The following CNTN5 variants were observed in gnomAD, a reference collection of about 807,000 sequenced individuals.
The protein encoded by CNTN5 is contactin-5.
A neutral mutation model predicts 129.1 loss-of-function variants in CNTN5; 77 were observed. That is an observed-to-expected ratio of 0.60 (90% CI 0.50 to 0.72). CNTN5 has a LOEUF of 0.72. CNTN5 is among the 30% of genes least tolerant of loss of function. The pLI is 0.00. For missense variants in CNTN5, 1,478 were observed against 1,328.8 expected (o/e 1.11, Z -1.75); for synonymous variants, 509 against 465.6 (o/e 1.09, Z -1.20).
At chr11:99,536,874 A>G (rs1254019923) in intron 2 of CNTN5, among the ~76,000 whole-genome samples, 1 of 151,574 alleles carries the variant, frequency 6.6e-6, no homozygotes, top group Non-Finnish European at 1.5e-5. Context: ...AAAAAGAAAA[A>G]GGAAACAATT....
intron 3 of CNTN5, among the ~76,000 whole-genome samples, chr11:99,808,906 C>A (rs774414891): frequency 6.6e-6 from 1 of 152,098 alleles, no homozygotes; most frequent in Non-Finnish European, 1.5e-5. Context: ...CCTGTGATCA[C>A]TGGAAAGACA....
At chr11:99,142,735 G>C (rs2135465579) in intron 1 of CNTN5, among the ~76,000 whole-genome samples, 1 of 152,192 alleles carries the variant, frequency 6.6e-6, no homozygotes, top group East Asian at 1.9e-4. Context: ...CAGCCATTCT[G>C]ACACCAAACC....
chr11:100,149,849 G>A (rs1469694257), intron 13 of CNTN5, among the ~76,000 whole-genome samples: 2 of 146,198 alleles, frequency 1.4e-5, no homozygotes, highest in African/African-American at 5.1e-5. Flanking sequence ...AGCCGAGCTT[G>A]TGCCACTGCA....
intron 1 of CNTN5, among the ~76,000 whole-genome samples, chr11:99,045,233 C>A (rs908018499): frequency 2.0e-5 from 3 of 152,104 alleles, no homozygotes; most frequent in Non-Finnish European, 2.9e-5. Context: ...GATTTTAAAT[C>A]TTTTGATTTC....
chr11:100,236,625 T>C lies in CNTN5; in HGVS notation c.2005+11813T>C, dbSNP rs182657084. Among the ~76,000 whole-genome samples, 5 of 152,258 alleles carry C rather than the reference T, an allele frequency of 3.3e-5. No individual in the cohort carries two copies. In the East Asian group the frequency reaches 9.7e-4, roughly 30 times the overall value. Reference sequence around the variant, plus strand: ...AGGCTTTAATGCCACAGCCAATATCTGGCTTTGTGTGTTTCAGTCTCCACT... The same window carrying C: ...AGGCTTTAATGCCACAGCCAATATCCGGCTTTGTGTGTTTCAGTCTCCACT... On this transcript the variant is annotated intron_variant, in intron 16 of 24. Transcript: ENST00000524871.
At chr11:99,966,008 A>T (rs1451967616) in intron 8 of CNTN5, among the ~76,000 whole-genome samples, 1 of 152,312 alleles carries the variant, frequency 6.6e-6, no homozygotes, top group East Asian at 1.9e-4. Context: ...TGGGTTTTAG[A>T]AACCTCTCAA....
At chr11:100,286,100 G>T (rs991193163) in intron 18 of CNTN5, among the ~76,000 whole-genome samples, 2 of 152,246 alleles carry the variant, frequency 1.3e-5, no homozygotes, top group African/African-American at 4.8e-5. Context: ...GGCTGGGAGG[G>T]TCCTACGCCC....
chr11:99,111,301 T>G (rs1035877380), intron 1 of CNTN5, among the ~76,000 whole-genome samples: 3 of 152,030 alleles, frequency 2.0e-5, no homozygotes, highest in Non-Finnish European at 4.4e-5. Flanking sequence ...TTTGTGTGTG[T>G]GTGTAGGTGT....
chr11:100,023,434 C>G (rs1472746660), intron 9 of CNTN5, among the ~76,000 whole-genome samples: 2 of 152,186 alleles, frequency 1.3e-5, no homozygotes, highest in Non-Finnish European at 2.9e-5. Flanking sequence ...CCTACACATT[C>G]TCAGTCTCCT....
chr11:99,331,726 A>G (rs888155427), intron 2 of CNTN5, among the ~76,000 whole-genome samples: 1 of 152,122 alleles, frequency 6.6e-6, no homozygotes, highest in African/African-American at 2.4e-5. Context: ...AACTCTTCCT[A>G]TCTCTGCACA....
intron 2 of CNTN5, among the ~76,000 whole-genome samples, chr11:99,442,706 A>G (rs1043128834): frequency 2.6e-5 from 4 of 152,240 alleles, no homozygotes; most frequent in Non-Finnish European, 4.4e-5. Flanking sequence ...TGTAAAATCC[A>G]TGCTTTAGTT....
In CNTN5 at chr11:99,567,454, G is replaced by C. The variant is rs75032159; in HGVS notation, c.55+11185G>C. ...GGTGACAGTTTGTTCCTTCTGCCAA[G>C]ATGATGATGTACTGTTGAACAGAGA... On this transcript the variant is annotated intron_variant, in intron 3 of 24. Coordinates refer to ENST00000524871, the MANE Select transcript of CNTN5 (RefSeq NM_014361.4). 7.1e-3 allele frequency among the ~76,000 whole-genome samples: 1,074 copies of C among 151,962 alleles called. 11 individuals carry two copies. The highest frequency in any genetic ancestry group is 0.024 in the African/African-American group (1,006 of 41,400).
chr11:100,088,447 A>T (rs1944636783), intron 13 of CNTN5, among the ~76,000 whole-genome samples: 1 of 152,088 alleles, frequency 6.6e-6, no homozygotes, highest in Admixed American at 6.6e-5. Flanking sequence ...CAATGAAACC[A>T]AATTTGGTTC....
chr11:99,646,849 T>A (rs2135864611), intron 3 of CNTN5, among the ~76,000 whole-genome samples: 1 of 151,546 alleles, frequency 6.6e-6, no homozygotes. Context: ...CTAGACTTGC[T>A]ATTCAGATCA....
chr11:100,067,998 T>G (rs1231930017), intron 10 of CNTN5, among the ~76,000 whole-genome samples: 4 of 152,156 alleles, frequency 2.6e-5, no homozygotes, highest in African/African-American at 9.7e-5. Flanking sequence ...CTGTTTTTAT[T>G]TAAATATTTT....
rs1277807993 is a variant in CNTN5 at position 99,727,771 on chromosome 11, C to T, written c.56-91773C>T. Among the ~76,000 whole-genome samples the T allele has an allele frequency of 1.3e-5, 2 of 152,022 alleles. 1 individual carries two copies. The highest frequency in any genetic ancestry group is 2.9e-5 in the Non-Finnish European group (2 of 67,986). ...CATAAGTTAATATAAAATAGAACAC[C>T]ATAAAGTCATTTTAAAACTGTCATA... On this transcript the variant is annotated intron_variant, in intron 3 of 24. Coordinates refer to ENST00000524871, the MANE Select transcript of CNTN5 (RefSeq NM_014361.4).
chr11:99,832,617 A>T lies in CNTN5; in HGVS notation c.278-12235A>T, dbSNP rs139207278. On this transcript the variant is annotated intron_variant, in intron 4 of 24. Transcript: ENST00000524871. Reference sequence around the variant, plus strand: ...TGAAAGGCAACTTAAAGTTAAAAGAAGATTTGGACAATTTTTTTAAGAATT... The same window carrying T: ...TGAAAGGCAACTTAAAGTTAAAAGATGATTTGGACAATTTTTTTAAGAATT... Among the ~76,000 whole-genome samples, 132 of 152,338 alleles carry T rather than the reference A, an allele frequency of 8.7e-4. 1 individual carries two copies. Among genetic ancestry groups the T allele is most frequent in the East Asian group, 7.7e-4 (4 of 5,190 alleles).
chr11:99,027,971 G>T (rs1033037147), intron 1 of CNTN5, among the ~76,000 whole-genome samples: 1 of 151,620 alleles, frequency 6.6e-6, no homozygotes, highest in African/African-American at 2.4e-5. Flanking sequence ...ACCCCAGTTT[G>T]CAAATAAAAT....
intron 13 of CNTN5, among the ~76,000 whole-genome samples, chr11:100,089,917 T>C (rs906951514): frequency 2.0e-5 from 3 of 151,854 alleles, no homozygotes; most frequent in African/African-American, 7.3e-5. Context: ...AGGGAGAGAA[T>C]TGGGAAAAGT....
Sources: allele counts gnomAD v4.1 joint callset (sites outside exome capture counted in the v4.1 genomes callset), GRCh38; gene constraint gnomAD v4.1.1; transcripts MANE v1.5; gene names NCBI Gene and HGNC (gene_info 2026-07-23, HGNC 2026-07-21).